SDK2: variants seen among roughly 807,000 people sequenced by gnomAD.
SDK2 encodes the protein sidekick cell adhesion molecule 2.
In SDK2, 105 loss-of-function variants were observed where a neutral mutation model predicts 253.9. The ratio of observed to expected loss-of-function variants is 0.41; its 90% confidence interval spans 0.35 to 0.49. The LOEUF is 0.49. SDK2 is among the 20% of genes least tolerant of loss of function. The probability of loss-of-function intolerance (pLI) is 0.06; values close to 1 mark genes in which losing one functional copy is unlikely to be tolerated. For synonymous variants in SDK2, 1,249 were observed against 1,234.9 expected (o/e 1.01, Z -0.24); for missense variants, 2,608 against 3,003.0 (o/e 0.87, Z 3.07).
At chr17:73,388,759 TC>T (rs1300822985) in intron 29 of SDK2, among the ~76,000 whole-genome samples, 4 of 88,070 alleles carry the variant, frequency 4.5e-5, no homozygotes, top group Non-Finnish European at 8.4e-5. Context: ...CCTCCTTCCT[TC>T]CTTCCCTCCC....
chr17:73,558,722 T>G (rs1329035241), intron 1 of SDK2, among the ~76,000 whole-genome samples: 1 of 152,128 alleles, frequency 6.6e-6, no homozygotes, highest in Non-Finnish European at 1.5e-5. Flanking sequence ...GGGAAGTCAG[T>G]GCCCAAGTTA....
At chr17:73,484,172 G>A (rs762946906) in intron 2 of SDK2, among the ~76,000 whole-genome samples, 6 of 152,042 alleles carry the variant, frequency 3.9e-5, no homozygotes, top group Non-Finnish European at 7.4e-5. Flanking sequence ...CCTTTGTCCC[G>A]GGCTCCTGGC....
chr17:73,525,183 TC>T (rs1217692561), intron 1 of SDK2, among the ~76,000 whole-genome samples: 32 of 152,062 alleles, frequency 2.1e-4, no homozygotes, highest in African/African-American at 7.2e-4. Context: ...ATGGGTCTTG[TC>T]CCCAGCTGTG....
Position 73,472,109 on chromosome 17 carries a change from C to T in SDK2, c.331+3G>A, listed in dbSNP as rs75911362. On this transcript the variant is annotated splice_donor_region_variant and intron_variant, in intron 3 of 44. Coordinates refer to ENST00000392650, the MANE Select transcript of SDK2 (RefSeq NM_001144952.2). ...CCTGCCCCTGGGTCCCCATTGTACT[C>T]ACAGGCCACCTGGACCTCGGTTTGC... The T allele has an allele frequency of 2.4e-3, 3,733 of 1,550,328 alleles. 89 individuals carry two copies. The African/African-American group carries it at 0.045, about 19-fold the overall frequency.
intron 1 of SDK2, among the ~76,000 whole-genome samples, chr17:73,624,232 G>T (rs1000472198): frequency 6.6e-6 from 1 of 152,240 alleles, no homozygotes; most frequent in African/African-American, 2.4e-5. Flanking sequence ...GGTAGCTCAC[G>T]CCTGTAACCC....
In SDK2 at chr17:73,643,279, CAGCGAGCGGCTGCACAGACTATCG is replaced by C. The variant is rs1210127952; in HGVS notation, c.64+722_64+745del. ...TGCTCCCGGCAGCCACAGGTCACAGCAGCGAGCGGCTGCACAGACTATCGAGCGAACAGCGGAGGCTGGAGGCAG... is the reference window on the plus strand; with the variant it reads ...TGCTCCCGGCAGCCACAGGTCACAGCAGCGAACAGCGGAGGCTGGAGGCAG... On this transcript the variant is annotated intron_variant, in intron 1 of 44. Transcript: ENST00000392650. The surrounding 1 kb of genome is among the most constrained non-coding windows in gnomAD (Gnocchi z 6.9). 2.0e-5 allele frequency among the ~76,000 whole-genome samples: 3 copies of C among 152,234 alleles called. No individual in the cohort carries two copies. The highest frequency in any genetic ancestry group is 7.2e-5 in the African/African-American group (3 of 41,478).
chr17:73,559,394 G>C (rs2045193465), intron 1 of SDK2, among the ~76,000 whole-genome samples: 2 of 152,242 alleles, frequency 1.3e-5, no homozygotes, highest in East Asian at 3.8e-4. Context: ...GCAAGGAGTT[G>C]ATAAATGGAA....
chr17:73,453,695 C>T (rs138056223), intron 4 of SDK2, among the ~76,000 whole-genome samples: 105 of 152,220 alleles, frequency 6.9e-4, no homozygotes, highest in African/African-American at 2.2e-3. Context: ...TGTTTTGTTA[C>T]GCAGCATATC....
chr17:73,590,727 C>G (rs2045669977), intron 1 of SDK2, among the ~76,000 whole-genome samples: 1 of 152,110 alleles, frequency 6.6e-6, no homozygotes, highest in Admixed American at 6.5e-5. Flanking sequence ...GGAATTGAGG[C>G]CCTGAGTTTT....
At chr17:73,626,282 T>C (rs1453173424) in intron 1 of SDK2, among the ~76,000 whole-genome samples, 3 of 152,182 alleles carry the variant, frequency 2.0e-5, no homozygotes, top group Non-Finnish European at 4.4e-5. Context: ...ATGAATGCGT[T>C]GGCCGGGGCT....
At chr17:73,532,756 C>T (rs2064180033) in intron 1 of SDK2, among the ~76,000 whole-genome samples, 1 of 152,094 alleles carries the variant, frequency 6.6e-6, no homozygotes, top group Non-Finnish European at 1.5e-5. Context: ...AGAGGTGGGG[C>T]ATGCAGCGGG....
At chr17:73,521,744 C>T (rs2145787027) in intron 1 of SDK2, among the ~76,000 whole-genome samples, 1 of 151,980 alleles carries the variant, frequency 6.6e-6, no homozygotes, top group Non-Finnish European at 1.5e-5. Flanking sequence ...TCCACATTTA[C>T]AGACTGCTCG....
At chr17:73,601,520 C>T (rs142086574) in intron 1 of SDK2, among the ~76,000 whole-genome samples, 6 of 152,228 alleles carry the variant, frequency 3.9e-5, no homozygotes, top group Non-Finnish European at 8.8e-5. Flanking sequence ...CACAGGTACA[C>T]GCACAGAGAA....
rs2063358190 is a variant in SDK2 at position 73,435,317 on chromosome 17, G to A, written c.1195+133C>T. 1.2e-6 allele frequency: 1 copy of A among 847,344 alleles called. No individual in the cohort carries two copies. The highest frequency in any genetic ancestry group is 2.8e-5 in the East Asian group (1 of 35,180). The allele number at this position is 847,344 out of a possible 1,614,324, so 52.5% of individuals were successfully genotyped here. A position where few individuals can be genotyped will look rare whatever the true frequency, so the allele number is the denominator to read the frequency against. ...GGCTGTGCCCCCAGGCTGCTGGGCA[G>A]CAGGCGGCCTTTGGGGATCCTATCT... On this transcript the variant is annotated intron_variant, in intron 9 of 44. Coordinates refer to ENST00000392650, the MANE Select transcript of SDK2 (RefSeq NM_001144952.2). This position sits in a 1 kb window ranked among gnomAD's most constrained non-coding sequence, Gnocchi z 5.7.
chr17:73,578,930 C>T (rs1315996796), intron 1 of SDK2, among the ~76,000 whole-genome samples: 1 of 152,144 alleles, frequency 6.6e-6, no homozygotes, highest in East Asian at 1.9e-4. Flanking sequence ...CAAAGTCACT[C>T]TGTCCCAGAC....
chr17:73,410,086 T>C (rs1007680538), intron 18 of SDK2, among the ~76,000 whole-genome samples: 15 of 152,158 alleles, frequency 9.9e-5, no homozygotes, highest in African/African-American at 3.6e-4. Context: ...ACTCCTGGGC[T>C]CAAGAGATCC....
chr17:73,577,182 C>T (rs1411817276), intron 1 of SDK2, among the ~76,000 whole-genome samples: 4 of 152,124 alleles, frequency 2.6e-5, no homozygotes, highest in Non-Finnish European at 5.9e-5. Flanking sequence ...CAGAGATGGA[C>T]ACAGAAGAGT....
At chr17:73,543,555 C>T (rs926907434) in intron 1 of SDK2, among the ~76,000 whole-genome samples, 10 of 152,352 alleles carry the variant, frequency 6.6e-5, no homozygotes, top group Admixed American at 2.0e-4. Context: ...CAGACTCTTC[C>T]GGCAATCGAC....
chr17:73,380,374 C>T (rs1366805972), intron 34 of SDK2, among the ~76,000 whole-genome samples: 6 of 152,184 alleles, frequency 3.9e-5, no homozygotes, highest in Admixed American at 1.3e-4. Flanking sequence ...GGAAGAACCA[C>T]GGCTGATGCT....
Sources: allele counts gnomAD v4.1 joint callset (sites outside exome capture counted in the v4.1 genomes callset), GRCh38; gene constraint gnomAD v4.1.1; non-coding constraint Gnocchi (gnomAD v3.1); transcripts MANE v1.5; gene names NCBI Gene and HGNC (gene_info 2026-07-23, HGNC 2026-07-21).